MTR: variants seen among roughly 807,000 people sequenced by gnomAD.
MTR encodes methionine synthase.
A neutral mutation model predicts 154.8 loss-of-function variants in MTR; 84 were observed. The observed-to-expected ratio is 0.54, with a 90% confidence interval of 0.45 to 0.65. The LOEUF (loss-of-function observed/expected upper bound fraction) is 0.65, where lower values mean the gene tolerates loss of function less well. Among genes scored for constraint, MTR ranks in the 30% least tolerant of loss-of-function variants. The pLI, the probability that MTR is intolerant of heterozygous loss-of-function variation, is 0.00. For missense variants in MTR, 1,275 were observed against 1,570.2 expected (o/e 0.81, Z 3.18); for synonymous variants, 554 against 553.9 (o/e 1.00, Z 0.00).
intron 28 of MTR, among the ~76,000 whole-genome samples, chr1:236,890,150 G>A (rs554826425): frequency 1.6e-4 from 23 of 145,002 alleles, no homozygotes; most frequent in Admixed American, 6.7e-4. Context: ...TTTCCCACGG[G>A]GGGGCGTGCC....
chr1:236,874,623 C>G, intron 23 of MTR, 103 bp from the exon 24 acceptor site: 5 of 918,040 alleles, frequency 5.4e-6, no homozygotes, highest in Non-Finnish European at 6.4e-6. Flanking sequence ...GTCTTTTGGT[C>G]TTCATTACAA....
At chr1:236,889,525 T>C (rs1411847035) in intron 28 of MTR, among the ~76,000 whole-genome samples, 189 bp downstream of exon 28, 3 of 152,230 alleles carry the variant, frequency 2.0e-5, no homozygotes, top group Non-Finnish European at 4.4e-5. Context: ...ATCAACTAAA[T>C]TTGGTATTTA....
intron 8 of MTR, chr1:236,819,776 C>T (rs1405424354): frequency 4.0e-6 from 3 of 757,442 alleles, no homozygotes; most frequent in Non-Finnish European, 7.3e-6. Context: ...ATGGGATCTA[C>T]ATCATAAATC....
rs533164597 is a variant in MTR at position 236,856,215 on chromosome 1, G to A, written c.1953+3127G>A. Reference sequence around the variant, plus strand: ...TTTTCAAGAGTGTTTGGAACACACCGCCCTGTTTTTACACAGCAAAACTCC... The same window carrying A: ...TTTTCAAGAGTGTTTGGAACACACCACCCTGTTTTTACACAGCAAAACTCC... On this transcript the variant is annotated intron_variant, in intron 18 of 32. Coordinates refer to ENST00000366577, the MANE Select transcript of MTR (RefSeq NM_000254.3). Among the ~76,000 whole-genome samples the A allele has an allele frequency of 4.6e-5, 7 of 152,172 alleles. No homozygotes were observed. In the East Asian group the frequency reaches 7.7e-4, roughly 17 times the overall value.
At chr1:236,826,250 TG>T (rs1258108226) in intron 10 of MTR, among the ~76,000 whole-genome samples, 2 of 152,226 alleles carry the variant, frequency 1.3e-5, no homozygotes, top group Non-Finnish European at 2.9e-5. Context: ...GCTCAGCATG[TG>T]GGTAAAAAAG....
At position 236,816,596 on chromosome 1, in the gene MTR, G is replaced by T. The variant is rs964852121; in HGVS notation, c.764+53G>T. The T allele has an allele frequency of 5.5e-5, 80 of 1,445,114 alleles. No homozygotes were observed. In the African/African-American group the frequency reaches 9.1e-4, roughly 16 times the overall value. The allele number at this position is 1,445,114 out of a possible 1,614,324, so 89.5% of individuals were successfully genotyped here. On this transcript the variant is annotated intron_variant, in intron 8 of 32. Transcript: ENST00000366577. ...TTTTCTTTTTTGGGGAACCTTTTCT[G>T]ATGGCTGTGGAGTGTGACCTGGGAG...
Position 236,889,272 on chromosome 1 carries a change from C to G in MTR, c.2943C>G (p.Val981=), listed in dbSNP as rs1666188863. 6.2e-7 allele frequency: 1 copy of G among 1,614,212 alleles called. No homozygotes were observed. The highest frequency in any genetic ancestry group is 8.5e-7 in the Non-Finnish European group (1 of 1,180,040). The change falls in exon 28 of 33, where the codon GTC becomes GTG. Residue 981 remains valine (V), a synonymous_variant. Transcript: ENST00000366577. ...TTGACTGGAAGCCTTTCTTTGATGT[C>G]TGGCAGCTCCGGGGCAAGTACCCGA... is the stretch of plus-strand genomic sequence containing the variant. The part of the protein sequence containing the change: ...DYIDWKPFFD[V]WQLRGKYPNR...
chr1:236,815,673 A>T lies in MTR; in HGVS notation c.669+10A>T. ...TCCCCGGCCTATCTTTGTAAGTTCTAAAGTGTTTGCACAATACATTCTTTT... is the reference window on the plus strand; with the variant it reads ...TCCCCGGCCTATCTTTGTAAGTTCTTAAGTGTTTGCACAATACATTCTTTT... On this transcript the variant is annotated intron_variant, in intron 7 of 32. Transcript: ENST00000366577. 1.9e-6 allele frequency: 3 copies of T among 1,588,248 alleles called. No individual in the cohort carries two copies. The highest frequency in any genetic ancestry group is 1.6e-5 in the African/African-American group (1 of 63,154).
intron 1 of MTR, among the ~76,000 whole-genome samples, chr1:236,797,696 T>C (rs1464593457): frequency 3.9e-5 from 6 of 152,100 alleles, no homozygotes. Context: ...CGGTGGCTCA[T>C]ATCTGTAATC....
At chr1:236,863,229 A>C (rs79170509) in intron 21 of MTR, among the ~76,000 whole-genome samples, 1 of 152,222 alleles carries the variant, frequency 6.6e-6, no homozygotes, top group Non-Finnish European at 1.5e-5. Context: ...AACATCAACT[A>C]TTCTTTGAAA....
chr1:236,848,331 C>T (rs546761522), intron 15 of MTR, among the ~76,000 whole-genome samples: 1 of 152,216 alleles, frequency 6.6e-6, no homozygotes, highest in South Asian at 2.1e-4. Context: ...GAGGAATGAC[C>T]AGGACCTTGA....
chr1:236,842,509 A>G lies in MTR; in HGVS notation c.1515+3910A>G, dbSNP rs577706607. On this transcript the variant is annotated intron_variant, in intron 15 of 32. Coordinates refer to ENST00000366577, the MANE Select transcript of MTR (RefSeq NM_000254.3). Reference sequence around the variant, plus strand: ...TGCATCGGGTGAGATTTTCATATCTACATTTATCCTCCAAACCGTCTATTG... The same window carrying G: ...TGCATCGGGTGAGATTTTCATATCTGCATTTATCCTCCAAACCGTCTATTG... Among the ~76,000 whole-genome samples the G allele has an allele frequency of 4.6e-5, 7 of 152,218 alleles. No individual in the cohort carries two copies. The East Asian group carries it at 5.8e-4, about 13-fold the overall frequency.
chr1:236,839,006 C>T (rs181056781), intron 15 of MTR, among the ~76,000 whole-genome samples: 5 of 152,172 alleles, frequency 3.3e-5, no homozygotes, highest in Admixed American at 1.3e-4. Context: ...CTAAACGTAT[C>T]GAAACAGAAA....
At chr1:236,816,695 C>A in intron 8 of MTR, 152 bp downstream of exon 8, 1 of 741,634 alleles carries the variant, frequency 1.3e-6, no homozygotes, top group Non-Finnish European at 2.4e-6. Context: ...TCAGACTTTT[C>A]CCTAAAGGTT....
At chr1:236,858,384 C>T (rs1276221337) in intron 18 of MTR, among the ~76,000 whole-genome samples, 3 of 152,272 alleles carry the variant, frequency 2.0e-5, no homozygotes, top group South Asian at 2.1e-4. Context: ...AGTTACCTCC[C>T]ACTGGGTCCC....
In MTR at chr1:236,897,731, A is replaced by T. The variant is rs1233126369; in HGVS notation, c.*87A>T. 5.9e-6 allele frequency: 7 copies of T among 1,176,832 alleles called. No homozygotes were observed. Among genetic ancestry groups the T allele is most frequent in the Non-Finnish European group, 8.8e-6 (7 of 795,856 alleles). The allele number at this position is 1,176,832 out of a possible 1,614,324, so 72.9% of individuals were successfully genotyped here. A position where few individuals can be genotyped will look rare whatever the true frequency, so the allele number is the denominator to read the frequency against. ...GCCTTAAAAATAACAACAACAAAAA[A>T]CCTGTGTGCATCTGGCTGACACTTA... On this transcript the variant is annotated 3_prime_UTR_variant, in exon 33 of 33. Transcript: ENST00000366577.
At chr1:236,890,952 C>T (rs1666283566) in intron 28 of MTR, among the ~76,000 whole-genome samples, 181 bp from the exon 29 acceptor site, 1 of 152,164 alleles carries the variant, frequency 6.6e-6, no homozygotes, top group African/African-American at 2.4e-5. Flanking sequence ...GCAGGAGCCG[C>T]AAAGCCCTGG....
rs191216755 is a variant in MTR at position 236,795,449 on chromosome 1, G to T, written c.-255G>T. 11 of 1,493,492 alleles carry T rather than the reference G, an allele frequency of 7.4e-6. No homozygotes were observed. Among genetic ancestry groups the T allele is most frequent in the Middle Eastern group, 1.7e-4 (1 of 5,802 alleles). The allele number at this position is 1,493,492 out of a possible 1,614,324, so 92.5% of individuals were successfully genotyped here. A position where few individuals can be genotyped will look rare whatever the true frequency, so the allele number is the denominator to read the frequency against. On this transcript the variant is annotated 5_prime_UTR_variant, in exon 1 of 33. Coordinates refer to ENST00000366577, the MANE Select transcript of MTR (RefSeq NM_000254.3). ...GTCTGGCTGCTAGGCCGACACCAAG[G>T]ACTGGCCGGGTACCCGGGAAGAAAG... is the stretch of plus-strand genomic sequence containing the variant.
chr1:236,894,925 T>C (rs1417757502), intron 30 of MTR: 2 of 357,746 alleles, frequency 5.6e-6, no homozygotes, highest in Non-Finnish European at 1.0e-5. Flanking sequence ...GTAATGCTGG[T>C]GTCATCTATA....
Sources: gnomAD v4.1 joint callset for allele counts (sites outside exome capture counted in the v4.1 genomes callset) on GRCh38, gnomAD v4.1.1 for gene constraint, MANE v1.5 for transcripts, NCBI Gene and HGNC (gene_info 2026-07-23, HGNC 2026-07-21) for gene names.